The following POU6F2 variants were observed in gnomAD, a reference collection of about 807,000 sequenced individuals.
The protein encoded by POU6F2 is POU domain, class 6, transcription factor 2.
POU6F2 carries 31 observed loss-of-function variants against 71.3 expected under a neutral mutation model. That is an observed-to-expected ratio of 0.43 (90% CI 0.33 to 0.59). The LOEUF is 0.59. Ranked by LOEUF, POU6F2 falls within the 20% of genes least tolerant of loss-of-function variation. The pLI is 0.04. For synonymous variants in POU6F2, 347 were observed against 355.7 expected, an observed-to-expected ratio of 0.98 and a Z score of 0.27; for missense variants, 783 against 856.8, an observed-to-expected ratio of 0.91 and a Z score of 1.07.
chr7:39,090,735 T>C (rs1351592882), intron 2 of POU6F2, among the ~76,000 whole-genome samples: 3 of 152,154 alleles, frequency 2.0e-5, no homozygotes, highest in Non-Finnish European at 4.4e-5. Flanking sequence ...TTATACCCCT[T>C]TTCACCAAAG....
intron 2 of POU6F2, among the ~76,000 whole-genome samples, chr7:39,096,747 GA>G (rs5883673): frequency 0.44 from 65,628 of 150,706 alleles, 14,551 homozygotes; most frequent in East Asian, 0.69. Context: ...TTGCAGCCTA[GA>G]AAAAAAAAAT....
At chr7:38,988,345 A>T (rs1029628428) in intron 1 of POU6F2, among the ~76,000 whole-genome samples, 1 of 152,008 alleles carries the variant, frequency 6.6e-6, no homozygotes, top group Non-Finnish European at 1.5e-5. Context: ...TAGTATTTTT[A>T]AAAAGCTTTA....
At chr7:38,986,055 C>T (rs181952448) in intron 1 of POU6F2, among the ~76,000 whole-genome samples, 35 of 152,198 alleles carry the variant, frequency 2.3e-4, no homozygotes, top group East Asian at 1.2e-3. Context: ...AACACACACG[C>T]ACACTCACAG....
At chr7:39,312,315 A>G (rs193113229) in intron 4 of POU6F2, among the ~76,000 whole-genome samples, 345 of 152,364 alleles carry the variant, frequency 2.3e-3, no homozygotes, top group Middle Eastern at 6.8e-3. Flanking sequence ...CTTAAAGGTT[A>G]GTTATTCAGG....
intron 4 of POU6F2, among the ~76,000 whole-genome samples, chr7:39,239,743 C>T (rs898963940): frequency 7.2e-6 from 1 of 139,594 alleles, no homozygotes; most frequent in African/African-American, 3.0e-5. Flanking sequence ...TTTCTGCTCC[C>T]ACTCCAAGGA....
chr7:39,107,197 A>C lies in POU6F2; in HGVS notation c.277+21166A>C, dbSNP rs527656967. ...GTAGCTGGGACCACAGGCATGTGCCACTGTGCTTGGCTAATTTTTTAAATT... is the reference window on the plus strand; with the variant it reads ...GTAGCTGGGACCACAGGCATGTGCCCCTGTGCTTGGCTAATTTTTTAAATT... On this transcript the variant is annotated intron_variant, in intron 2 of 9. Coordinates refer to ENST00000518318, the MANE Select transcript of POU6F2 (RefSeq NM_001370959.1). Among the ~76,000 whole-genome samples, 4 of 152,052 alleles carry C rather than the reference A, an allele frequency of 2.6e-5. No homozygotes were observed. The East Asian group carries it at 7.7e-4, about 29-fold the overall frequency.
At chr7:39,194,949 GACACATCTGAAGGAACAAACTCCGC>G (rs1404009314) in intron 2 of POU6F2, among the ~76,000 whole-genome samples, 2 of 152,122 alleles carry the variant, frequency 1.3e-5, no homozygotes, top group African/African-American at 2.4e-5. Flanking sequence ...AGAAACTCCG[GACACATCTGAAGGAACAAACTCCGC>G]ACACACCATC....
chr7:39,110,478 T>C (rs1791785527), intron 2 of POU6F2, among the ~76,000 whole-genome samples: 1 of 152,028 alleles, frequency 6.6e-6, no homozygotes. Context: ...CTTTTCCCAT[T>C]CCTACATTAA....
intron 1 of POU6F2, among the ~76,000 whole-genome samples, chr7:39,053,378 T>G (rs1790437299): frequency 6.6e-6 from 1 of 152,126 alleles, no homozygotes; most frequent in Non-Finnish European, 1.5e-5. Flanking sequence ...CTGATAATTC[T>G]TGTCTTTTTC....
At chr7:39,201,192 C>A (rs1793895313) in intron 2 of POU6F2, among the ~76,000 whole-genome samples, 1 of 152,154 alleles carries the variant, frequency 6.6e-6, no homozygotes, top group Non-Finnish European at 1.5e-5. Flanking sequence ...TTATCCCTGA[C>A]TTTTACAACG....
intron 4 of POU6F2, among the ~76,000 whole-genome samples, chr7:39,272,568 T>TTGG (rs1302303898): frequency 6.6e-5 from 10 of 152,180 alleles, no homozygotes; most frequent in Admixed American, 6.5e-5. Flanking sequence ...AACCTTTTGT[T>TTGG]GAGTTTGGAG....
At chr7:39,420,897 C>G (rs1787835071) in intron 6 of POU6F2, among the ~76,000 whole-genome samples, 1 of 152,098 alleles carries the variant, frequency 6.6e-6, no homozygotes. Flanking sequence ...TAAAACAGGA[C>G]AGTCAGAAAA....
chr7:39,090,010 G>T (rs914244552), intron 2 of POU6F2, among the ~76,000 whole-genome samples: 5 of 151,876 alleles, frequency 3.3e-5, no homozygotes, highest in Admixed American at 6.6e-5. Context: ...AGAGCCTTGA[G>T]CTGAGATGGA....
chr7:39,299,660 G>T (rs1283742045), intron 4 of POU6F2, among the ~76,000 whole-genome samples: 1 of 152,068 alleles, frequency 6.6e-6, no homozygotes, highest in Non-Finnish European at 1.5e-5. Flanking sequence ...TAAATAAACC[G>T]GATTTAAGGA....
chr7:39,048,755 A>G (rs1332918410), intron 1 of POU6F2, among the ~76,000 whole-genome samples: 1 of 151,948 alleles, frequency 6.6e-6, no homozygotes, highest in Non-Finnish European at 1.5e-5. Flanking sequence ...GAAATTACCA[A>G]ACTGCTTTCC....
At chr7:39,112,592 T>C (rs577108369) in intron 2 of POU6F2, among the ~76,000 whole-genome samples, 37 of 152,304 alleles carry the variant, frequency 2.4e-4, no homozygotes, top group Admixed American at 7.2e-4. Context: ...CCACATGAAA[T>C]TGCTTACAGC....
chr7:39,257,015 T>C (rs2128753711), intron 4 of POU6F2, among the ~76,000 whole-genome samples: 1 of 152,346 alleles, frequency 6.6e-6, no homozygotes, highest in East Asian at 1.9e-4. Context: ...TATTATTAAC[T>C]ACATAGCACA....
chr7:39,172,932 C>CT (rs5883677), intron 2 of POU6F2, among the ~76,000 whole-genome samples: 41,100 of 150,796 alleles, frequency 0.27, 5,885 homozygotes, highest in East Asian at 0.62. Context: ...CTCCAGGTCC[C>CT]TTTTTTTTTA....
At chr7:39,250,592 A>G (rs762631543) in intron 4 of POU6F2, among the ~76,000 whole-genome samples, 3 of 152,118 alleles carry the variant, frequency 2.0e-5, no homozygotes, top group Non-Finnish European at 2.9e-5. Flanking sequence ...TTGAAGTGCA[A>G]TCATTCTGTT....
Sources: allele counts gnomAD v4.1 joint callset (sites outside exome capture counted in the v4.1 genomes callset), GRCh38; gene constraint gnomAD v4.1.1; transcripts MANE v1.5; gene names NCBI Gene and HGNC (gene_info 2026-07-23, HGNC 2026-07-21).